Variants in LDLRAD4 observed in about 807,000 individuals in gnomAD.
The protein encoded by LDLRAD4 is low density lipoprotein receptor class A domain containing 4, also known as low-density lipoprotein receptor class A domain-containing protein 4.
Under a neutral mutation model 17.0 loss-of-function variants are expected in LDLRAD4, and 5 were observed. That is an observed-to-expected ratio of 0.29 (90% CI 0.15 to 0.62). The LOEUF (loss-of-function observed/expected upper bound fraction) is 0.62, where lower values mean the gene tolerates loss of function less well. Ranked by LOEUF, LDLRAD4 falls within the 20% of genes least tolerant of loss-of-function variation. The pLI, the probability that LDLRAD4 is intolerant of heterozygous loss-of-function variation, is 0.84. For synonymous variants in LDLRAD4, 168 were observed against 171.8 expected (o/e 0.98, Z 0.17); for missense variants, 340 against 424.7 (o/e 0.80, Z 1.75).
intron 1 of LDLRAD4, among the ~76,000 whole-genome samples, chr18:13,237,937 A>G (rs1275388747): frequency 1.3e-5 from 2 of 152,176 alleles, no homozygotes; most frequent in Non-Finnish European, 2.9e-5. Context: ...GCTGGGGTAG[A>G]GTCTGGTGGC....
At chr18:13,312,269 A>T (rs1232666338) in intron 1 of LDLRAD4, among the ~76,000 whole-genome samples, 1 of 152,224 alleles carries the variant, frequency 6.6e-6, no homozygotes, top group Non-Finnish European at 1.5e-5. Context: ...TGTAAGGTGT[A>T]TGTGAAACAT....
At chr18:13,528,887 T>C (rs952780881) in intron 3 of LDLRAD4, among the ~76,000 whole-genome samples, 2 of 152,214 alleles carry the variant, frequency 1.3e-5, no homozygotes, top group Non-Finnish European at 2.9e-5. Context: ...GAGTGAGGCC[T>C]GGGCATCTGC....
At chr18:13,450,975 C>G (rs4797775) in intron 3 of LDLRAD4, among the ~76,000 whole-genome samples, 59,798 of 151,982 alleles carry the variant, frequency 0.39, 12,318 homozygotes, top group East Asian at 0.66. Context: ...CGCTTTCATT[C>G]TCTTTCATGA....
chr18:13,639,064 G>A (rs1401303635), intron 4 of LDLRAD4, among the ~76,000 whole-genome samples: 1 of 152,210 alleles, frequency 6.6e-6, no homozygotes, highest in African/African-American at 2.4e-5. Context: ...TATTAACAAA[G>A]TTTTGTTCCT....
chr18:13,586,476 T>C (rs2094936780), intron 3 of LDLRAD4, among the ~76,000 whole-genome samples: 1 of 150,154 alleles, frequency 6.7e-6, no homozygotes, highest in East Asian at 1.9e-4. Flanking sequence ...CCATTTTACC[T>C]TTCCCCTGCC....
chr18:13,394,952 C>G (rs1382418759), intron 2 of LDLRAD4, among the ~76,000 whole-genome samples: 2 of 152,356 alleles, frequency 1.3e-5, no homozygotes, highest in East Asian at 3.9e-4. Flanking sequence ...GTCCTAGCCT[C>G]TTCCTCTGTT....
At chr18:13,482,226 C>T (rs2093107497) in intron 3 of LDLRAD4, among the ~76,000 whole-genome samples, 1 of 152,142 alleles carries the variant, frequency 6.6e-6, no homozygotes, top group Admixed American at 6.5e-5. Flanking sequence ...AAACTCACAC[C>T]CCTGGGGACG....
At chr18:13,605,479 A>G (rs961133786) in intron 3 of LDLRAD4, among the ~76,000 whole-genome samples, 1 of 152,112 alleles carries the variant, frequency 6.6e-6, no homozygotes. Flanking sequence ...TGGCCTCCCA[A>G]AGTGTTGGGG....
intron 3 of LDLRAD4, chr18:13,501,206 C>G (rs573621593): frequency 6.6e-6 from 1 of 152,294 alleles, no homozygotes; most frequent in Admixed American, 6.5e-5. Context: ...CCTTTCTCCT[C>G]TTCAATCTTA....
intron 3 of LDLRAD4, among the ~76,000 whole-genome samples, chr18:13,536,519 T>G (rs547688943): frequency 3.0e-4 from 45 of 152,338 alleles, no homozygotes; most frequent in Non-Finnish European, 4.4e-5. Context: ...CGTTTGTGTA[T>G]TCTCTAGACT....
At chr18:13,493,745 C>T (rs1175982300) in intron 3 of LDLRAD4, among the ~76,000 whole-genome samples, 1 of 152,164 alleles carries the variant, frequency 6.6e-6, no homozygotes, top group African/African-American at 2.4e-5. Flanking sequence ...CAGAGTTGGA[C>T]ATGGCCTCTT....
chr18:13,406,166 C>T (rs2087726632), intron 2 of LDLRAD4, among the ~76,000 whole-genome samples: 1 of 152,182 alleles, frequency 6.6e-6, no homozygotes. Context: ...GCCTGGGCCC[C>T]CTGGGGAGCA....
chr18:13,270,276 G>A (rs939079718), intron 1 of LDLRAD4, among the ~76,000 whole-genome samples: 1 of 151,692 alleles, frequency 6.6e-6, no homozygotes, highest in Non-Finnish European at 1.5e-5. Context: ...GAGGTGGGAG[G>A]ATCACTTGCA....
intron 4 of LDLRAD4, chr18:13,642,678 T>A: frequency 8.1e-7 from 1 of 1,231,526 alleles, no homozygotes; most frequent in Non-Finnish European, 1.0e-6. Context: ...CTGCCAGGGC[T>A]TCCTCAACCC....
At chr18:13,232,719 C>CGT (rs2042142595) in intron 1 of LDLRAD4, among the ~76,000 whole-genome samples, 2 of 152,220 alleles carry the variant, frequency 1.3e-5, no homozygotes, top group Non-Finnish European at 2.9e-5. Flanking sequence ...AAGTGGAAGC[C>CGT]GTGTGCGCCG....
Position 13,621,015 on chromosome 18 carries a change from G to T in LDLRAD4, c.182-102G>T. 1 of 1,512,210 alleles carries T rather than the reference G, an allele frequency of 6.6e-7. No individual in the cohort carries two copies. 93.7% of individuals were successfully genotyped at this position (1,512,210 alleles called of 1,614,324 possible). ...TGGCCTCTGAGGAACAGACGTGTGT[G>T]AGAGGCCTTCAGGGCCTGATGGCTG... On this transcript the variant is annotated intron_variant, in intron 3 of 5. Transcript: ENST00000359446. The surrounding 1 kb of genome is among the most constrained non-coding windows in gnomAD (Gnocchi z 5.5).
At chr18:13,441,435 G>A (rs1349780246) in intron 3 of LDLRAD4, among the ~76,000 whole-genome samples, 2 of 152,340 alleles carry the variant, frequency 1.3e-5, no homozygotes, top group East Asian at 3.9e-4. Context: ...GAAAGGCGAT[G>A]CCTCATTCTT....
intron 1 of LDLRAD4, among the ~76,000 whole-genome samples, chr18:13,328,271 C>T (rs960579480): frequency 2.8e-4 from 43 of 152,246 alleles, no homozygotes; most frequent in African/African-American, 9.2e-4. Flanking sequence ...GGATCATGCT[C>T]ATGCCACCAT....
intron 3 of LDLRAD4, among the ~76,000 whole-genome samples, chr18:13,581,067 G>A (rs751404508): frequency 1.8e-4 from 27 of 152,294 alleles, no homozygotes; most frequent in Non-Finnish European, 2.1e-4. Flanking sequence ...GAGATATCTC[G>A]GGGATGGGGC....
Sources: allele counts gnomAD v4.1 joint callset (sites outside exome capture counted in the v4.1 genomes callset), GRCh38; gene constraint gnomAD v4.1.1; non-coding constraint Gnocchi (gnomAD v3.1); transcripts MANE v1.5; gene names NCBI Gene and HGNC (gene_info 2026-07-23, HGNC 2026-07-21).